TFEC: variants seen among roughly 807,000 people sequenced by gnomAD.
TFEC encodes class E basic helix-loop-helix protein 34.
In TFEC, 31 loss-of-function variants were observed where a neutral mutation model predicts 41.6. The observed-to-expected ratio is 0.74, with a 90% CI of 0.56 to 1.01. The LOEUF is 1.01. TFEC is among the 50% of genes least tolerant of loss of function. TFEC has a pLI of 0.00. For synonymous variants in TFEC, 143 were observed against 140.6 expected (o/e 1.02, Z -0.12); for missense variants, 402 against 404.1 (o/e 0.99, Z 0.04).
intron 1 of TFEC, among the ~76,000 whole-genome samples, chr7:116,011,547 C>A (rs1554402552): frequency 2.0e-5 from 3 of 152,076 alleles, no homozygotes; most frequent in Non-Finnish European, 4.4e-5. Context: ...AACAGACCAA[C>A]TGAATGAATG....
chr7:116,013,009 T>C (rs1403612961), intron 1 of TFEC, among the ~76,000 whole-genome samples: 2 of 152,038 alleles, frequency 1.3e-5, no homozygotes, highest in African/African-American at 4.8e-5. Flanking sequence ...CTAAAGAATA[T>C]GATTGGGGCA....
In TFEC at chr7:116,095,825, CT is replaced by C. The variant is rs543859850; in HGVS notation, c.198+14882del. Among the ~76,000 whole-genome samples the C allele has an allele frequency of 4.0e-3, 610 of 152,178 alleles. 4 individuals are homozygous for C. Among genetic ancestry groups the C allele is most frequent in the African/African-American group, 0.014 (577 of 41,534 alleles). On this transcript the variant is annotated intron_variant, in intron 3 of 8. Transcript: ENST00000484212. ...CTTTGCCCTCTATCATATCACACTA[CT>C]TTTTTTCTCATCCACTACTCTCAAC...
rs1003006231 is a variant in TFEC, at chr7:116,002,289, A to G, written c.-72-17776T>C. On this transcript the variant is annotated intron_variant, in intron 1 of 7. Coordinates refer to ENST00000265440, the MANE Select transcript of TFEC (RefSeq NM_012252.4). Reference sequence around the variant, plus strand: ...GGAAGCAACCTAAGGATCTATCAACATATGAATGGATGAAGAAAATGTGGT... The same window carrying G: ...GGAAGCAACCTAAGGATCTATCAACGTATGAATGGATGAAGAAAATGTGGT... Among the ~76,000 whole-genome samples the G allele has an allele frequency of 2.0e-5, 3 of 152,206 alleles. No individual in the cohort carries two copies. In the East Asian group the frequency reaches 5.8e-4, roughly 29 times the overall value.
At chr7:116,130,429 T>C (rs891341072) in intron 1 of TFEC, among the ~76,000 whole-genome samples, 3 of 152,318 alleles carry the variant, frequency 2.0e-5, no homozygotes, top group Non-Finnish European at 4.4e-5. Flanking sequence ...TATAGTAACC[T>C]ACAAGAAAAT....
chr7:116,049,045 C>A (rs1796242799), intron 3 of TFEC, among the ~76,000 whole-genome samples: 1 of 152,172 alleles, frequency 6.6e-6, no homozygotes, highest in African/African-American at 2.4e-5. Context: ...TTGTAAAGAC[C>A]ATCATGCTAG....
intron 3 of TFEC, among the ~76,000 whole-genome samples, chr7:115,958,695 T>C: frequency 6.6e-6 from 1 of 151,886 alleles, no homozygotes; most frequent in East Asian, 1.9e-4. Context: ...TAAATTCTGA[T>C]AATGAATCTA....
chr7:115,936,885 G>A lies in TFEC; in HGVS notation c.*3666C>T, dbSNP rs2130119251. On this transcript the variant is annotated 3_prime_UTR_variant, in exon 8 of 8. Coordinates refer to ENST00000265440, the MANE Select transcript of TFEC (RefSeq NM_012252.4). ...CTCATCTGGCTATTTATTATTTAGG[G>A]CTTTTTTAAAAACCTATATAAAGAA... The A allele has an allele frequency of 6.6e-6, 1 of 151,280 alleles. No individual in the cohort carries two copies. The allele number at this position is 151,280 out of a possible 1,614,324, so 9.4% of individuals were successfully genotyped here.
At chr7:116,004,722 A>C (rs1794722804) in intron 1 of TFEC, among the ~76,000 whole-genome samples, 1 of 152,184 alleles carries the variant, frequency 6.6e-6, no homozygotes, top group Non-Finnish European at 1.5e-5. Flanking sequence ...TTAGAATCAC[A>C]CAAATTCATG....
intron 1 of TFEC, among the ~76,000 whole-genome samples, chr7:116,015,030 G>A (rs928931740): frequency 2.6e-5 from 4 of 151,686 alleles, no homozygotes; most frequent in African/African-American, 4.8e-5. Flanking sequence ...TTTAACCACT[G>A]AGTTTGTGGT....
intron 1 of TFEC, among the ~76,000 whole-genome samples, chr7:116,138,661 G>A (rs749908630): frequency 1.3e-5 from 2 of 152,062 alleles, no homozygotes; most frequent in Non-Finnish European, 2.9e-5. Flanking sequence ...AGAAATCAAA[G>A]ACCTGAAACA....
At chr7:116,089,617 G>A (rs4730710) in intron 3 of TFEC, among the ~76,000 whole-genome samples, 75,158 of 151,430 alleles carry the variant, frequency 0.5, 19,227 homozygotes, top group East Asian at 0.8. Flanking sequence ...GTATATATAT[G>A]TATATATAAA....
intron 1 of TFEC, among the ~76,000 whole-genome samples, chr7:115,988,807 T>C (rs886303424): frequency 6.6e-6 from 1 of 151,824 alleles, no homozygotes; most frequent in Non-Finnish European, 1.5e-5. Context: ...CATAATATAT[T>C]TGAAGTACAG....
At chr7:115,970,892 T>A (rs939651395) in intron 3 of TFEC, among the ~76,000 whole-genome samples, 1 of 151,986 alleles carries the variant, frequency 6.6e-6, no homozygotes, top group Admixed American at 6.6e-5. Flanking sequence ...TGCAGAGCCG[T>A]GAGGCAAATA....
chr7:116,138,211 T>G (rs1347378718), intron 1 of TFEC, among the ~76,000 whole-genome samples: 3 of 152,182 alleles, frequency 2.0e-5, no homozygotes, highest in African/African-American at 7.2e-5. Flanking sequence ...CCATTATATT[T>G]ATAATGAATT....
intron 1 of TFEC, among the ~76,000 whole-genome samples, chr7:116,159,328 G>C (rs1029699969): frequency 1.3e-5 from 2 of 151,712 alleles, no homozygotes; most frequent in Non-Finnish European, 2.9e-5. Flanking sequence ...TTTGTCTTGT[G>C]TTTTTCTGAG....
In TFEC at chr7:115,948,334, C is replaced by T. The variant is rs1253934407; in HGVS notation, c.515+2540G>A. On this transcript the variant is annotated intron_variant, in intron 6 of 7. Coordinates refer to ENST00000265440, the MANE Select transcript of TFEC (RefSeq NM_012252.4). ...ATCAATAGAAAAAGAGGGAATCCTC[C>T]CTAACTCATTTTATGAGGCCAGCAT... is the stretch of plus-strand genomic sequence containing the variant. 3.3e-5 allele frequency among the ~76,000 whole-genome samples: 5 copies of T among 151,866 alleles called. No homozygotes were observed. The East Asian group carries it at 5.8e-4, about 18-fold the overall frequency.
At chr7:116,128,970 A>T (rs915943906) in intron 1 of TFEC, among the ~76,000 whole-genome samples, 3 of 152,196 alleles carry the variant, frequency 2.0e-5, no homozygotes, top group Non-Finnish European at 4.4e-5. Context: ...CAGTAAAAGT[A>T]AACAAATTAT....
At chr7:116,097,742 C>T (rs1337694634) in intron 3 of TFEC, among the ~76,000 whole-genome samples, 3 of 151,856 alleles carry the variant, frequency 2.0e-5, no homozygotes, top group African/African-American at 7.3e-5. Flanking sequence ...CATGGATAAC[C>T]GAAAACAGCA....
At chr7:116,086,507 C>T (rs781504442) in intron 3 of TFEC, among the ~76,000 whole-genome samples, 4 of 151,782 alleles carry the variant, frequency 2.6e-5, no homozygotes, top group Admixed American at 1.3e-4. Context: ...GGTGTGACCA[C>T]GAGTGATGAG....
Sources: gnomAD v4.1 joint callset for allele counts (sites outside exome capture counted in the v4.1 genomes callset) on GRCh38, gnomAD v4.1.1 for gene constraint, MANE v1.5 for transcripts, NCBI Gene and HGNC (gene_info 2026-07-23, HGNC 2026-07-21) for gene names.